PDXDC1: variants seen among roughly 807,000 people sequenced by gnomAD.
The protein encoded by PDXDC1 is pyridoxal-dependent decarboxylase domain-containing protein 1.
PDXDC1 carries 42 observed loss-of-function variants against 100.1 expected under a neutral mutation model. The observed-to-expected ratio is 0.42, with a 90% CI of 0.33 to 0.54. The LOEUF (loss-of-function observed/expected upper bound fraction) is 0.54, where lower values mean the gene tolerates loss of function less well. PDXDC1 is among the 20% of genes least tolerant of loss of function. The probability of loss-of-function intolerance (pLI) is 0.10; values close to 1 mark genes in which losing one functional copy is unlikely to be tolerated. For missense variants in PDXDC1, 636 were observed against 979.2 expected, an observed-to-expected ratio of 0.65 and a Z score of 4.68; for synonymous variants, 260 against 371.7, an observed-to-expected ratio of 0.70 and a Z score of 3.46.
intron 1 of PDXDC1, among the ~76,000 whole-genome samples, chr16:14,984,047 C>T (rs555967953): frequency 9.8e-5 from 15 of 152,356 alleles, no homozygotes; most frequent in African/African-American, 3.6e-4. Flanking sequence ...CCTGTAGTCC[C>T]AGCTACTTGG....
chr16:15,072,990 T>A (rs775980110), intron 16 of PDXDC1: 1 of 1,613,608 alleles, frequency 6.2e-7, no homozygotes, highest in African/African-American at 1.3e-5. Flanking sequence ...AAACTGTACA[T>A]GGCAGGAGGC....
At chr16:14,974,813 C>G (rs1437236782), upstream of PDXDC1, 1 of 1,535,384 alleles carries the variant, frequency 6.5e-7, no homozygotes, top group Non-Finnish European at 8.7e-7. Context: ...AGGTGCGTCA[C>G]TAGTATTTCC....
At chr16:15,142,383 C>A (rs2048488939), downstream of PDXDC1, among the ~76,000 whole-genome samples, 1 of 152,136 alleles carries the variant, frequency 6.6e-6, no homozygotes, top group African/African-American at 2.4e-5. Context: ...CTTCTCCCGG[C>A]CCTCACCCCA....
chr16:15,131,350 C>G (rs1370443772), intron 16 of PDXDC1: 2 of 1,563,448 alleles, frequency 1.3e-6, no homozygotes, highest in South Asian at 1.1e-5. Flanking sequence ...GGTGTAGTTG[C>G]TGATATAGCC....
intron 16 of PDXDC1, among the ~76,000 whole-genome samples, chr16:15,090,415 T>C (rs937860174): frequency 4.6e-5 from 7 of 152,204 alleles, no homozygotes; most frequent in Non-Finnish European, 7.3e-5. Flanking sequence ...TATTAGCTCA[T>C]TGAATCCTTG....
chr16:15,110,008 G>C (rs1478028008), intron 16 of PDXDC1, among the ~76,000 whole-genome samples: 1 of 147,660 alleles, frequency 6.8e-6, no homozygotes, highest in Non-Finnish European at 1.5e-5. Context: ...ACAAAAATTA[G>C]CTGGGCGTGG....
chr16:15,074,414 C>T (rs987595900), intron 16 of PDXDC1, among the ~76,000 whole-genome samples: 4 of 152,178 alleles, frequency 2.6e-5, no homozygotes, highest in African/African-American at 7.2e-5. Context: ...GTGCACCCTA[C>T]ATCATTCTTC....
At chr16:14,989,672 G>A (rs1326213817) in intron 1 of PDXDC1, 18 of 1,564,112 alleles carry the variant, frequency 1.2e-5, no homozygotes, top group Non-Finnish European at 1.5e-5. Flanking sequence ...CGGCCACGGG[G>A]CCAGGACCTG....
At chr16:15,005,968 G>A (rs1369383791) in intron 5 of PDXDC1, among the ~76,000 whole-genome samples, 6 of 152,412 alleles carry the variant, frequency 3.9e-5, no homozygotes, top group South Asian at 4.1e-4. Flanking sequence ...GATTACAGGC[G>A]TGAGCCACCA....
At chr16:14,984,538 C>T (rs1458084185) in intron 1 of PDXDC1, among the ~76,000 whole-genome samples, 2 of 146,084 alleles carry the variant, frequency 1.4e-5, no homozygotes, top group East Asian at 2.1e-4. Context: ...CACCCTGTCG[C>T]CCAGGCTGGA....
intron 16 of PDXDC1, among the ~76,000 whole-genome samples, chr16:15,031,112 ATTTTTTTTTT>A (rs771115923): frequency 1.4e-5 from 1 of 73,958 alleles, no homozygotes; most frequent in African/African-American, 5.3e-5. Context: ...CACCACATCT[ATTTTTTTTTT>A]TTTTTTTTTT....
At chr16:15,102,332 A>T (rs1324140161) in intron 16 of PDXDC1, among the ~76,000 whole-genome samples, 1 of 151,994 alleles carries the variant, frequency 6.6e-6, no homozygotes, top group Non-Finnish European at 1.5e-5. Context: ...TGAAGGGAGG[A>T]AATCCAATTT....
intron 16 of PDXDC1, chr16:15,136,129 C>A (rs1304802111): frequency 3.3e-6 from 5 of 1,512,480 alleles, no homozygotes; most frequent in Non-Finnish European, 4.5e-6. Flanking sequence ...CACGTCTAGG[C>A]TCCTGGGGGC....
chr16:15,047,299 G>A (rs1207707433), intron 16 of PDXDC1: 7 of 646,490 alleles, frequency 1.1e-5, no homozygotes, highest in African/African-American at 7.2e-5. Flanking sequence ...CAGTGCCCAC[G>A]TCGTGCCAGG....
chr16:14,994,584 G>T (rs1971560481), intron 1 of PDXDC1, among the ~76,000 whole-genome samples: 1 of 152,286 alleles, frequency 6.6e-6, no homozygotes, highest in Non-Finnish European at 1.5e-5. Flanking sequence ...GATGCCTCCG[G>T]CTTTGTTTTT....
the PDXDC1 span, among the ~76,000 whole-genome samples, chr16:15,146,328 C>T: frequency 2.6e-5 from 4 of 152,184 alleles, no homozygotes; most frequent in South Asian, 2.1e-4. Context: ...CAGCGCACAC[C>T]GCCACCACCT....
intron 16 of PDXDC1, among the ~76,000 whole-genome samples, chr16:15,075,168 T>C (rs576024014): frequency 6.7e-6 from 1 of 149,116 alleles, no homozygotes; most frequent in Non-Finnish European, 1.5e-5. Flanking sequence ...GAAAATAGCT[T>C]GAACTGGGAG....
intron 16 of PDXDC1, among the ~76,000 whole-genome samples, chr16:15,091,540 G>C (rs2046129836): frequency 6.6e-6 from 1 of 151,480 alleles, no homozygotes; most frequent in Non-Finnish European, 1.5e-5. Flanking sequence ...AAACACTCAT[G>C]TTAGTGCAGC....
chr16:15,032,668 A>AAAAAAAAAAAAAAAAT, intron 17 of PDXDC1, 193 bp from the exon 18 acceptor site: 2 of 374,104 alleles, frequency 5.3e-6, no homozygotes, highest in African/African-American at 2.3e-5. Flanking sequence ...AAAAAAAAAA[A>AAAAAAAAAAAAAAAAT]AGGCTTTCCT....
Sources: gnomAD v4.1 joint callset for allele counts (sites outside exome capture counted in the v4.1 genomes callset) on GRCh38, gnomAD v4.1.1 for gene constraint, MANE v1.5 for transcripts, NCBI Gene and HGNC (gene_info 2026-07-23, HGNC 2026-07-21) for gene names.